ATP10A: variants seen among roughly 807,000 people sequenced by gnomAD.
ATP10A encodes the protein phospholipid-transporting ATPase VA.
A neutral mutation model predicts 147.8 loss-of-function variants in ATP10A; 111 were observed. That is an observed-to-expected ratio of 0.75 (90% CI 0.64 to 0.88). The LOEUF is 0.88. ATP10A is among the 40% of genes least tolerant of loss of function. The probability of loss-of-function intolerance (pLI) is 0.00; values close to 1 mark genes in which losing one functional copy is unlikely to be tolerated. For synonymous variants in ATP10A, 875 were observed against 841.6 expected (o/e 1.04, Z -0.69); for missense variants, 1,927 against 1,959.0 (o/e 0.98, Z 0.31).
At position 25,721,800 on chromosome 15, in the gene ATP10A, A is replaced by G. The variant is rs1902249215; in HGVS notation, c.1220T>C (p.Leu407Pro). The G allele has an allele frequency of 1.2e-6, 2 of 1,614,212 alleles. No homozygotes were observed. The highest frequency in any genetic ancestry group is 1.7e-6 in the Non-Finnish European group (2 of 1,180,038). Residue 407 changes from leucine to proline, a missense_variant, in exon 7 of 21, where the codon CTG (leucine) becomes CCG (proline). Transcript: ENST00000555815. ...QLYDEETDSQ[L>P]QCRALNITED... is the part of the protein sequence containing the mutation. The stretch of plus-strand genomic sequence containing the variant: ...CGTGATGTTCAGAGCTCGGCACTGC[A>G]GCTGCGAGTCTGTTTCTTCGTCATA...
intron 1 of ATP10A, among the ~76,000 whole-genome samples, chr15:25,850,797 C>G (rs945671648): frequency 6.6e-6 from 1 of 152,174 alleles, no homozygotes; most frequent in Non-Finnish European, 1.5e-5. Context: ...TTGGAACTTA[C>G]ATTTACCTTT....
chr15:25,742,750 T>G (rs932372769), intron 2 of ATP10A, among the ~76,000 whole-genome samples: 13 of 152,210 alleles, frequency 8.5e-5, no homozygotes, highest in Non-Finnish European at 1.8e-4. Flanking sequence ...TAACGAGAGT[T>G]GTTTCACAGA....
intron 3 of ATP10A, among the ~76,000 whole-genome samples, chr15:25,731,510 T>C (rs562886414): frequency 2.0e-5 from 3 of 152,290 alleles, no homozygotes; most frequent in Admixed American, 6.5e-5. Context: ...AAATGTTTGA[T>C]TGATTTGTGG....
intron 2 of ATP10A, among the ~76,000 whole-genome samples, chr15:25,764,890 C>T (rs933099112): frequency 6.6e-6 from 1 of 152,206 alleles, no homozygotes; most frequent in Non-Finnish European, 1.5e-5. Context: ...TTGTGGCTTC[C>T]ATGACTGGGT....
chr15:25,717,593 C>A (rs946979671), intron 8 of ATP10A, among the ~76,000 whole-genome samples: 1 of 152,272 alleles, frequency 6.6e-6, no homozygotes, highest in Middle Eastern at 3.4e-3. Flanking sequence ...CGAAATCAGC[C>A]CTATTTAGAT....
chr15:25,708,580 G>A (rs549388133), intron 10 of ATP10A: 3 of 386,936 alleles, frequency 7.8e-6, no homozygotes, highest in South Asian at 5.5e-5. Context: ...CTCGGCCTCC[G>A]AAAGTACTGG....
upstream of ATP10A, among the ~76,000 whole-genome samples, chr15:25,864,092 A>G (rs1428881008): frequency 1.3e-5 from 2 of 152,244 alleles, no homozygotes; most frequent in Non-Finnish European, 1.5e-5. Flanking sequence ...GGTGGCTGTC[A>G]TGGCCCGGAC....
At chr15:25,780,462 G>A (rs1420539420) in intron 2 of ATP10A, among the ~76,000 whole-genome samples, 3 of 152,224 alleles carry the variant, frequency 2.0e-5, no homozygotes, top group African/African-American at 7.2e-5. Context: ...CTTTCTCCCT[G>A]GAGCAGGGAC....
chr15:25,688,048 A>G (rs570799785), intron 15 of ATP10A: 8 of 582,592 alleles, frequency 1.4e-5, no homozygotes, highest in African/African-American at 7.4e-5. Flanking sequence ...CAGGGATGTC[A>G]CCTTATAAGA....
At chr15:25,790,470 C>G (rs972500279) in intron 1 of ATP10A, among the ~76,000 whole-genome samples, 1 of 152,096 alleles carries the variant, frequency 6.6e-6, no homozygotes, top group Non-Finnish European at 1.5e-5. Flanking sequence ...GAATGTTGTC[C>G]CAGCGGAACT....
At chr15:25,804,449 T>C (rs1054265709) in intron 1 of ATP10A, among the ~76,000 whole-genome samples, 1 of 134,156 alleles carries the variant, frequency 7.5e-6, no homozygotes, top group African/African-American at 3.3e-5. Flanking sequence ...TGTGTGTCTG[T>C]GTGCATGGTG....
chr15:25,837,864 G>A (rs1459202956), intron 1 of ATP10A, among the ~76,000 whole-genome samples: 1 of 152,224 alleles, frequency 6.6e-6, no homozygotes, highest in Non-Finnish European at 1.5e-5. Context: ...CCAGGCAGTG[G>A]GGAAGACGGG....
At chr15:25,862,280 A>G (rs953973470) in intron 1 of ATP10A, 1 of 495,378 alleles carries the variant, frequency 2.0e-6, no homozygotes, top group African/African-American at 1.9e-5. Flanking sequence ...TGAGGCAGGG[A>G]CTTCAGGCCA....
intron 2 of ATP10A, among the ~76,000 whole-genome samples, chr15:25,762,066 C>G (rs113550653): frequency 2.1e-3 from 318 of 152,176 alleles, no homozygotes; most frequent in Non-Finnish European, 3.4e-3. Context: ...GGGTCGGTTC[C>G]CCCCATGCTG....
At chr15:25,731,162 C>T (rs1278060146) in intron 3 of ATP10A, among the ~76,000 whole-genome samples, 4 of 152,170 alleles carry the variant, frequency 2.6e-5, no homozygotes, top group Non-Finnish European at 4.4e-5. Flanking sequence ...GTGCTCGTGC[C>T]GGCCCTATGC....
At chr15:25,823,060 A>C (rs1027629846) in intron 1 of ATP10A, among the ~76,000 whole-genome samples, 5 of 152,172 alleles carry the variant, frequency 3.3e-5, no homozygotes, top group African/African-American at 1.2e-4. Flanking sequence ...CTATTCAAAG[A>C]AGCAACATTT....
At chr15:25,825,099 C>G (rs1237539285) in intron 1 of ATP10A, among the ~76,000 whole-genome samples, 5 of 152,184 alleles carry the variant, frequency 3.3e-5, no homozygotes, top group Non-Finnish European at 7.3e-5. Flanking sequence ...AAGCCCATAC[C>G]AGAGAACTAT....
chr15:25,728,950 G>T (rs1293829946), intron 3 of ATP10A, among the ~76,000 whole-genome samples: 2 of 152,214 alleles, frequency 1.3e-5, no homozygotes, highest in African/African-American at 4.8e-5. Context: ...CCTGGTACCT[G>T]GGCTAGAGGC....
intron 2 of ATP10A, among the ~76,000 whole-genome samples, chr15:25,740,212 A>C (rs2140505483): frequency 6.6e-6 from 1 of 152,360 alleles, no homozygotes; most frequent in South Asian, 2.1e-4. Context: ...GTGATGTTGG[A>C]AAGGGCATTT....
Sources: gnomAD v4.1 joint callset for allele counts (sites outside exome capture counted in the v4.1 genomes callset) on GRCh38, gnomAD v4.1.1 for gene constraint, MANE v1.5 for transcripts, NCBI Gene and HGNC (gene_info 2026-07-23, HGNC 2026-07-21) for gene names.